The following CDC25A variants were observed in gnomAD, a reference collection of about 807,000 sequenced individuals.
The protein encoded by CDC25A is M-phase inducer phosphatase 1.
CDC25A carries 17 observed loss-of-function variants against 64.6 expected under a neutral mutation model. The ratio of observed to expected loss-of-function variants is 0.26; its 90% CI spans 0.18 to 0.39. The LOEUF is 0.39. CDC25A is among the 10% of genes least tolerant of loss of function. The pLI, the probability that CDC25A is intolerant of heterozygous loss-of-function variation, is 1.00. For missense variants in CDC25A, 473 were observed against 654.8 expected, an observed-to-expected ratio of 0.72 and a Z score of 3.03; for synonymous variants, 229 against 238.6, an observed-to-expected ratio of 0.96 and a Z score of 0.37.
At position 48,177,560 on chromosome 3, in the gene CDC25A, T is replaced by C. The variant is rs186169578; in HGVS notation, c.685-118A>G. ...GATAGGCCTGGATAGGAAGTATCCT[T>C]AATGTACCATCCTATACCGTTCTGA... On this transcript the variant is annotated intron_variant, in intron 7 of 14. Coordinates refer to ENST00000302506, the MANE Select transcript of CDC25A (RefSeq NM_001789.3). 6.7e-5 allele frequency: 52 copies of C among 781,288 alleles called. No individual in the cohort carries two copies. In the East Asian group the frequency reaches 1.2e-3, roughly 19 times the overall value. The allele number at this position is 781,288 out of a possible 1,614,324, so 48.4% of individuals were successfully genotyped here.
chr3:48,160,989 T>C (rs2031734131), intron 13 of CDC25A, among the ~76,000 whole-genome samples: 1 of 151,150 alleles, frequency 6.6e-6, no homozygotes, highest in Non-Finnish European at 1.5e-5. Flanking sequence ...CTGTGTCTAC[T>C]AAAACTACAA....
chr3:48,166,105 T>C (rs1345436019), intron 10 of CDC25A, among the ~76,000 whole-genome samples: 1 of 152,052 alleles, frequency 6.6e-6, no homozygotes, highest in Non-Finnish European at 1.5e-5. Flanking sequence ...GCCAACATGG[T>C]GAAACCCCAA....
At chr3:48,168,360 C>CA (rs2032122978) in intron 9 of CDC25A, among the ~76,000 whole-genome samples, 1 of 106,538 alleles carries the variant, frequency 9.4e-6, no homozygotes, top group East Asian at 3.1e-4. Context: ...AAGACCCTGT[C>CA]CACACACACA....
At position 48,158,691 on chromosome 3, in the gene CDC25A, C is replaced by T. The variant is rs186188935; in HGVS notation, c.*254G>A. 1.9e-4 allele frequency: 73 copies of T among 380,014 alleles called. No homozygotes were observed. The highest frequency in any genetic ancestry group is 1.2e-3 in the African/African-American group (61 of 49,718). 23.5% of individuals were successfully genotyped at this position (380,014 alleles called of 1,614,324 possible). On this transcript the variant is annotated 3_prime_UTR_variant, in exon 15 of 15. Coordinates refer to ENST00000302506, the MANE Select transcript of CDC25A (RefSeq NM_001789.3). ...CACTGTGGCTCAGAGCAGCTTGACA[C>T]GGTGCTCAGAACTGCATTGTGGCAC...
At chr3:48,183,361 A>T (rs982589522) in intron 4 of CDC25A, among the ~76,000 whole-genome samples, 5 of 152,236 alleles carry the variant, frequency 3.3e-5, no homozygotes, top group Non-Finnish European at 7.3e-5. Context: ...TTAGAGATGG[A>T]GGACAAATTC....
At position 48,180,590 on chromosome 3, in the gene CDC25A, T is replaced by C. The variant is rs139695514; in HGVS notation, c.549+131A>G. Reference sequence around the variant, plus strand: ...CAAAACCACCAAGAATGCTTGACAGTCTAATTTCAAAAGACAAAGTCAAGG... The same window carrying C: ...CAAAACCACCAAGAATGCTTGACAGCCTAATTTCAAAAGACAAAGTCAAGG... On this transcript the variant is annotated intron_variant, in intron 6 of 14. Transcript: ENST00000302506. The C allele has an allele frequency of 9.4e-5, 86 of 912,456 alleles. No individual in the cohort carries two copies. The African/African-American group carries it at 1.3e-3, about 14-fold the overall frequency. The allele number at this position is 912,456 out of a possible 1,614,324, so 56.5% of individuals were successfully genotyped here. A position where few individuals can be genotyped will look rare whatever the true frequency, so the allele number is the denominator to read the frequency against.
intron 8 of CDC25A, 76 bp downstream of exon 8, chr3:48,177,295 T>G (rs2032500020): frequency 3.6e-6 from 4 of 1,106,088 alleles, no homozygotes; most frequent in Non-Finnish European, 2.7e-6. Flanking sequence ...AATCTTTGGC[T>G]ATACTCAACT....
At chr3:48,181,986 G>A (rs757181470) in intron 5 of CDC25A, among the ~76,000 whole-genome samples, 5 of 152,222 alleles carry the variant, frequency 3.3e-5, no homozygotes, top group Non-Finnish European at 7.3e-5. Flanking sequence ...CAACTCCAGA[G>A]TGAGAGCTCT....
In CDC25A at chr3:48,157,310, A is replaced by G. The variant is rs770103969; in HGVS notation, c.*1635T>C. 2 of 152,256 alleles carry G rather than the reference A, an allele frequency of 1.3e-5. No individual in the cohort carries two copies. Among genetic ancestry groups the G allele is most frequent in the East Asian group, 1.9e-4 (1 of 5,200 alleles). The allele number at this position is 152,256 out of a possible 1,614,324, so 9.4% of individuals were successfully genotyped here. A position where few individuals can be genotyped will look rare whatever the true frequency, so the allele number is the denominator to read the frequency against. ...CAACAGAATCTCTTTCTTACAAACAATATCATTAACCAGTTGGAATCTGTC... is the reference window on the plus strand; with the variant it reads ...CAACAGAATCTCTTTCTTACAAACAGTATCATTAACCAGTTGGAATCTGTC... On this transcript the variant is annotated 3_prime_UTR_variant, in exon 15 of 15. Coordinates refer to ENST00000302506, the MANE Select transcript of CDC25A (RefSeq NM_001789.3).
intron 9 of CDC25A, among the ~76,000 whole-genome samples, chr3:48,171,630 T>C (rs566204625): frequency 2.0e-5 from 3 of 152,110 alleles, no homozygotes; most frequent in South Asian, 2.1e-4. Context: ...CCACCCGCCT[T>C]GTCCTCCCAA....
intron 9 of CDC25A, among the ~76,000 whole-genome samples, chr3:48,169,208 G>A (rs533553610): frequency 1.3e-5 from 2 of 152,312 alleles, no homozygotes; most frequent in East Asian, 1.9e-4. Flanking sequence ...AGTGTTTGAT[G>A]AGTGTAAGTT....
intron 9 of CDC25A, among the ~76,000 whole-genome samples, chr3:48,168,185 A>AG (rs1212313742): frequency 6.6e-6 from 1 of 150,604 alleles, no homozygotes; most frequent in East Asian, 1.9e-4. Flanking sequence ...CTTCCTTAAA[A>AG]AAAAAAAAAA....
At chr3:48,170,175 C>CAGCAAGCA (rs372246067) in intron 9 of CDC25A, among the ~76,000 whole-genome samples, 12 of 152,000 alleles carry the variant, frequency 7.9e-5, no homozygotes, top group African/African-American at 1.7e-4. Context: ...TTCTCCCTAC[C>CAGCAAGCA]AGCAAGCAAG....
intron 9 of CDC25A, among the ~76,000 whole-genome samples, chr3:48,168,407 C>CACACA (rs1491254554): frequency 1.4e-5 from 2 of 147,970 alleles, no homozygotes; most frequent in East Asian, 2.0e-4. Flanking sequence ...CACACACACA[C>CACACA]AAGCTGGGCA....
At chr3:48,183,119 GA>G in intron 4 of CDC25A, 89 bp from the exon 5 acceptor site, 1 of 833,582 alleles carries the variant, frequency 1.2e-6, no homozygotes, top group Non-Finnish European at 2.0e-6. Flanking sequence ...AAGGGGGGTT[GA>G]ATAGGGGGTA....
intron 4 of CDC25A, 68 bp from the exon 5 acceptor site, chr3:48,183,098 A>G (rs2032724147): frequency 9.4e-7 from 1 of 1,058,512 alleles, no homozygotes; most frequent in African/African-American, 1.6e-5. Flanking sequence ...TTCAGTTCTC[A>G]AAAGAAAAAA....
intron 8 of CDC25A, among the ~76,000 whole-genome samples, chr3:48,176,980 AAAC>A (rs1388089422): frequency 6.6e-6 from 1 of 152,144 alleles, no homozygotes; most frequent in African/African-American, 2.4e-5. Flanking sequence ...TCAAAAAAAA[AAAC>A]AAAAAACACA....
At chr3:48,170,525 T>C (rs1477356522) in intron 9 of CDC25A, among the ~76,000 whole-genome samples, 1 of 152,138 alleles carries the variant, frequency 6.6e-6, no homozygotes, top group Non-Finnish European at 1.5e-5. Flanking sequence ...GCTGCCATGC[T>C]CTCCTTGGGT....
intron 9 of CDC25A, among the ~76,000 whole-genome samples, chr3:48,172,082 G>A (rs1323248147): frequency 6.6e-6 from 1 of 151,924 alleles, no homozygotes; most frequent in Non-Finnish European, 1.5e-5. Context: ...GGCGGGAGGA[G>A]TGCTTGAGCC....
Sources: gnomAD v4.1 joint callset for allele counts (sites outside exome capture counted in the v4.1 genomes callset) on GRCh38, gnomAD v4.1.1 for gene constraint, MANE v1.5 for transcripts, NCBI Gene and HGNC (gene_info 2026-07-23, HGNC 2026-07-21) for gene names.